The following PIGN variants were observed in gnomAD, a reference collection of about 807,000 sequenced individuals.
PIGN encodes GPI ethanolamine phosphate transferase 1.
PIGN carries 117 observed loss-of-function variants against 125.4 expected under a neutral mutation model. The observed-to-expected ratio is 0.93, with a 90% CI of 0.80 to 1.09. The LOEUF (loss-of-function observed/expected upper bound fraction) is 1.09. Among genes scored for constraint, PIGN ranks in the 50% least tolerant of loss-of-function variants. The pLI is 0.00. For synonymous variants in PIGN, 392 were observed against 377.8 expected, an observed-to-expected ratio of 1.04 and a Z score of -0.44; for missense variants, 1,075 against 1,094.9, an observed-to-expected ratio of 0.98 and a Z score of 0.26.
chr18:62,138,165 C>T, intron 14 of PIGN, 78 bp downstream of exon 14: 4 of 1,514,868 alleles, frequency 2.6e-6, no homozygotes, highest in Admixed American at 2.2e-5. Context: ...GTAAACTAAT[C>T]CTATCACTCA....
chr18:62,101,142 A>G lies in PIGN; in HGVS notation c.2010T>C (p.Thr670=), dbSNP rs17714063. ...TVLSMYVVYS[T]QSSLLRKQGL... is the part of the protein sequence containing the mutation. ...CTTGCTTCCTGAGTAGACTACTCTG[A>G]GTGCTATACACAACATACATGGAGA... Residue 670 remains threonine, a synonymous_variant, in exon 22 of 31, where the codon ACT becomes ACC. Coordinates refer to ENST00000640252, the MANE Select transcript of PIGN (RefSeq NM_176787.5). The G allele has an allele frequency of 0.22, 352,494 of 1,606,734 alleles. 42,976 individuals carry two copies. Among genetic ancestry groups the G allele is most frequent in the Non-Finnish European group, 0.25 (294,113 of 1,173,986 alleles).
At chr18:62,068,656 G>C (rs930318806) in intron 30 of PIGN, among the ~76,000 whole-genome samples, 9 of 152,172 alleles carry the variant, frequency 5.9e-5, no homozygotes, top group African/African-American at 2.2e-4. Context: ...CTTACACTCT[G>C]TCATATCTGA....
chr18:62,112,759 T>G, intron 16 of PIGN: 1 of 217,498 alleles, frequency 4.6e-6, no homozygotes, highest in Non-Finnish European at 9.0e-6. Flanking sequence ...ACTTTTAATA[T>G]CAAATAAAAT....
At position 62,076,231 on chromosome 18, in the gene PIGN, C is replaced by A. The variant is rs190314832; in HGVS notation, c.2577-1410G>T. ...TACAGGCATGAGCCACCACGCCCAA[C>A]CCATTGTGGTTTTACATGCATTCCT... On this transcript the variant is annotated intron_variant, in intron 28 of 30. Coordinates refer to ENST00000640252, the MANE Select transcript of PIGN (RefSeq NM_176787.5). 9.6e-3 allele frequency among the ~76,000 whole-genome samples: 1,459 copies of A among 152,312 alleles called. 8 individuals carry two copies. The highest frequency in any genetic ancestry group is 0.016 in the South Asian group (78 of 4,828).
intron 14 of PIGN, among the ~76,000 whole-genome samples, chr18:62,129,266 C>A (rs888240034): frequency 6.6e-6 from 1 of 152,200 alleles, no homozygotes; most frequent in Non-Finnish European, 1.5e-5. Flanking sequence ...TCTCAGAGAG[C>A]TGAGTCTCTT....
At chr18:62,125,033 A>T (rs975449572) in intron 14 of PIGN, among the ~76,000 whole-genome samples, 1 of 138,156 alleles carries the variant, frequency 7.2e-6, no homozygotes, top group Admixed American at 7.0e-5. Context: ...AATTCCCTTT[A>T]TATATAAATA....
At chr18:62,072,613 C>A (rs189765711) in intron 30 of PIGN, 60 bp downstream of exon 30, 31 of 1,321,882 alleles carry the variant, frequency 2.3e-5, no homozygotes, top group Admixed American at 1.0e-4. Flanking sequence ...AATTGCCTAA[C>A]AATATATTTC....
intron 14 of PIGN, among the ~76,000 whole-genome samples, chr18:62,130,229 T>C (rs1599590511): frequency 6.6e-6 from 1 of 152,316 alleles, no homozygotes; most frequent in African/African-American, 2.4e-5. Flanking sequence ...TCTGTTATGC[T>C]AAGCCATGTA....
rs1426516810 is a variant in PIGN at position 62,161,304 on chromosome 18, G to A, written c.50C>T (p.Ala17Val). Residue 17 changes from alanine to valine, a missense_variant, in exon 4 of 31, where the codon GCC (alanine) becomes GTC (valine). This residue lies in a region of PIGN where 152 missense variants were observed against 162.9 expected (regional missense o/e 0.93). Coordinates refer to ENST00000640252, the MANE Select transcript of PIGN (RefSeq NM_176787.5). Reference sequence around the variant, plus strand: ...TGTAAAATAAATGTCAAAGATGGAGGCGAAGAACACAAAATGTATAAGCAA... The same window carrying A: ...TGTAAAATAAATGTCAAAGATGGAGACGAAGAACACAAAATGTATAAGCAA... ...LGLLIHFVFFASIFDIYFTSP... is the reference protein window; with the variant it reads ...LGLLIHFVFFVSIFDIYFTSP... 3.7e-6 allele frequency: 6 copies of A among 1,613,590 alleles called. No homozygotes were observed. In the East Asian group the frequency reaches 1.1e-4, roughly 30 times the overall value.
chr18:62,114,599 C>A lies in PIGN; in HGVS notation c.1213G>T (p.Ala405Ser), dbSNP rs1314745962. The A allele has an allele frequency of 6.6e-7, 1 of 1,524,852 alleles. No individual in the cohort carries two copies. Among genetic ancestry groups the A allele is most frequent in the Non-Finnish European group, 8.9e-7 (1 of 1,123,054 alleles). 94.5% of individuals were successfully genotyped at this position (1,524,852 alleles called of 1,614,324 possible). ...TTTCTGTGTTTTATATAAGATCTTGCTTTTCTTAAAATGTTGAACTGTTTG... is the reference window on the plus strand; with the variant it reads ...TTTCTGTGTTTTATATAAGATCTTGATTTTCTTAAAATGTTGAACTGTTTG... ...DSKQFNILRK[A>S]RSYIKHRKFD... Residue 405 changes from alanine (A) to serine (S), a missense_variant, in exon 15 of 31, where the codon GCA becomes TCA. Around this residue, in one of 3 missense-constraint regions of PIGN, gnomAD observed 915 missense variants for 908.7 expected, o/e 1.01. Transcript: ENST00000640252.
intron 7 of PIGN, among the ~76,000 whole-genome samples, chr18:62,151,590 C>T (rs1280524662): frequency 2.0e-5 from 3 of 152,164 alleles, no homozygotes; most frequent in South Asian, 4.1e-4. Context: ...TCATGGAAAG[C>T]GGCCAGCCTA....
At chr18:62,168,699 T>C (rs1451784754) in intron 1 of PIGN, among the ~76,000 whole-genome samples, 2 of 152,162 alleles carry the variant, frequency 1.3e-5, no homozygotes, top group Non-Finnish European at 2.9e-5. Context: ...TAATGTTCTT[T>C]ATAGCATTTT....
At chr18:62,169,459 C>A (rs28862924) in intron 1 of PIGN, among the ~76,000 whole-genome samples, 88,157 of 151,414 alleles carry the variant, frequency 0.58, 26,401 homozygotes, top group East Asian at 0.78. Context: ...ATTTCTTCTT[C>A]TTATTTTTTT....
chr18:62,150,289 T>C (rs2036481815), intron 7 of PIGN, among the ~76,000 whole-genome samples: 1 of 152,178 alleles, frequency 6.6e-6, no homozygotes, highest in Non-Finnish European at 1.5e-5. Context: ...CAGCCTCTGA[T>C]AGGGTTTAAA....
At chr18:62,182,950 G>T (rs934704443) in intron 1 of PIGN, among the ~76,000 whole-genome samples, 2 of 152,152 alleles carry the variant, frequency 1.3e-5, no homozygotes, top group African/African-American at 2.4e-5. Context: ...GTTCCACAGC[G>T]GGGGGCAATT....
intron 5 of PIGN, 78 bp from the exon 6 acceptor site, chr18:62,157,305 A>G (rs2036774007): frequency 7.1e-6 from 5 of 701,276 alleles, no homozygotes. Flanking sequence ...TTCAAATAAT[A>G]ACAATTACAT....
At chr18:62,150,571 C>G (rs1347825758) in intron 7 of PIGN, among the ~76,000 whole-genome samples, 2 of 151,968 alleles carry the variant, frequency 1.3e-5, no homozygotes, top group Non-Finnish European at 2.9e-5. Flanking sequence ...AAGCCAATCA[C>G]AAAAAGACAT....
rs199573774 is a variant in PIGN at position 62,045,973 on chromosome 18, G to C, written c.2679C>G (p.Ser893Arg). The change falls in exon 31 of 31, where the codon AGC becomes AGG. Residue 893 changes from serine to arginine, a missense_variant. Transcript: ENST00000640252. ...GSWLDIGTSI[S>R]HYVIVMSMTI... ...TCATGGACATGACAATCACATAGTGGCTGATGCTGCAAAAGGAGAAAAAGA... is the reference window on the plus strand; with the variant it reads ...TCATGGACATGACAATCACATAGTGCCTGATGCTGCAAAAGGAGAAAAAGA... The C allele has an allele frequency of 9.6e-5, 154 of 1,612,328 alleles. No individual in the cohort carries two copies. Among genetic ancestry groups the C allele is most frequent in the South Asian group, 3.9e-4 (35 of 90,616 alleles).
At chr18:62,174,886 G>A (rs914872126) in intron 1 of PIGN, among the ~76,000 whole-genome samples, 1 of 150,332 alleles carries the variant, frequency 6.7e-6, no homozygotes, top group Non-Finnish European at 1.5e-5. Context: ...TTTTTAAACT[G>A]TCATGCAATT....
Sources: gnomAD v4.1 joint callset for allele counts (sites outside exome capture counted in the v4.1 genomes callset) on GRCh38, gnomAD v4.1.1 for gene constraint, gnomAD v4.1.1 regional missense constraint, MANE v1.5 for transcripts, NCBI Gene and HGNC (gene_info 2026-07-23, HGNC 2026-07-21) for gene names.